The following OXCT1 variants were observed in gnomAD, a reference collection of about 807,000 sequenced individuals.
OXCT1 encodes the protein 3-oxoacid CoA-transferase 1.
Under a neutral mutation model 69.6 loss-of-function variants are expected in OXCT1, and 27 were observed. That is an observed-to-expected ratio of 0.39 (90% confidence interval 0.29 to 0.54). The LOEUF (loss-of-function observed/expected upper bound fraction) is 0.54. Ranked by LOEUF, OXCT1 falls within the 20% of genes least tolerant of loss-of-function variation. The pLI, the probability that OXCT1 is intolerant of heterozygous loss-of-function variation, is 0.72. For missense variants in OXCT1, 437 were observed against 650.2 expected (o/e 0.67, Z 3.57); for synonymous variants, 202 against 217.8 (o/e 0.93, Z 0.64).
At chr5:41,861,915 G>A (rs1349323745) in intron 2 of OXCT1, among the ~76,000 whole-genome samples, 1 of 152,164 alleles carries the variant, frequency 6.6e-6, no homozygotes, top group African/African-American at 2.4e-5. Context: ...TTATTTATCA[G>A]AAGCAGGCAG....
chr5:41,787,713 A>G (rs904911073), intron 13 of OXCT1, among the ~76,000 whole-genome samples: 2 of 150,892 alleles, frequency 1.3e-5, no homozygotes, highest in African/African-American at 2.4e-5. Flanking sequence ...AACAGTGAGG[A>G]AAGATTTTGT....
intron 11 of OXCT1, 32 bp from the exon 12 acceptor site, chr5:41,794,781 G>A (rs1334858159): frequency 2.5e-6 from 4 of 1,602,502 alleles, no homozygotes; most frequent in Admixed American, 1.7e-5. Flanking sequence ...AGAAAGAAAA[G>A]GCTATTAGAT....
chr5:41,835,093 G>C (rs909459797), intron 7 of OXCT1, among the ~76,000 whole-genome samples: 6 of 152,044 alleles, frequency 3.9e-5, no homozygotes, highest in African/African-American at 1.4e-4. Flanking sequence ...AACAACGGTG[G>C]GGGTGGGGGT....
At chr5:41,820,821 T>A (rs988720516) in intron 7 of OXCT1, among the ~76,000 whole-genome samples, 2 of 152,138 alleles carry the variant, frequency 1.3e-5, no homozygotes, top group African/African-American at 4.8e-5. Flanking sequence ...TCCTTCACAA[T>A]TGACCTTACT....
intron 5 of OXCT1, among the ~76,000 whole-genome samples, chr5:41,844,107 A>G (rs542962199): frequency 2.6e-5 from 4 of 152,248 alleles, no homozygotes; most frequent in African/African-American, 9.6e-5. Flanking sequence ...TTCTAGTTAC[A>G]TAATTTTCTG....
chr5:41,793,117 C>T lies in OXCT1; in HGVS notation c.1248+886G>A, dbSNP rs1289543214. On this transcript the variant is annotated intron_variant, in intron 13 of 16. Transcript: ENST00000196371. ...ACATGATCTCTAACATTGTTATCAA[C>T]TACATTAATCCACCTTCCTCAAAAA... Among the ~76,000 whole-genome samples the T allele has an allele frequency of 2.0e-5, 3 of 152,322 alleles. No homozygotes were observed. The East Asian group carries it at 5.8e-4, about 29-fold the overall frequency.
chr5:41,739,653 C>G lies in OXCT1; in HGVS notation c.1420-162G>C, dbSNP rs368049497. 795 of 601,120 alleles carry G rather than the reference C, an allele frequency of 1.3e-3. 12 individuals carry two copies. Among genetic ancestry groups the G allele is most frequent in the South Asian group, 0.012 (767 of 61,644 alleles). 37.2% of individuals were successfully genotyped at this position (601,120 alleles called of 1,614,324 possible). On this transcript the variant is annotated intron_variant, in intron 15 of 16. Coordinates refer to ENST00000196371, the MANE Select transcript of OXCT1 (RefSeq NM_000436.4). ...GGCTTAGGTGGGTGGATCACAAGGT[C>G]AGGAGATCGAGACCATCCTGGCTAA...
intron 5 of OXCT1, among the ~76,000 whole-genome samples, chr5:41,848,981 A>C (rs935671430): frequency 6.6e-6 from 1 of 152,224 alleles, no homozygotes; most frequent in Non-Finnish European, 1.5e-5. Flanking sequence ...AGAAACTACC[A>C]TCAGAGTGAA....
intron 4 of OXCT1, 37 bp from the exon 5 acceptor site, chr5:41,850,216 A>C (rs1179971879): frequency 1.2e-6 from 2 of 1,611,086 alleles, no homozygotes; most frequent in Non-Finnish European, 1.7e-6. Flanking sequence ...AAGTTCACTA[A>C]GCACACTTCT....
intron 16 of OXCT1, among the ~76,000 whole-genome samples, chr5:41,735,448 T>TA (rs1205404844): frequency 1.3e-5 from 2 of 152,244 alleles, no homozygotes; most frequent in African/African-American, 4.8e-5. Context: ...GCTGTGGAAT[T>TA]AGTGTTTAAT....
In OXCT1 at chr5:41,870,122, G is replaced by T; in HGVS notation, c.78+159C>A. ...TCATCCGAGGGGCCGGCGAGGCCAG[G>T]AACGCGTCGCCGCGTGTCCGTGACC... is the stretch of plus-strand genomic sequence containing the variant. On this transcript the variant is annotated intron_variant, in intron 1 of 16. Coordinates refer to ENST00000196371, the MANE Select transcript of OXCT1 (RefSeq NM_000436.4). This position sits in a 1 kb window ranked among gnomAD's most constrained non-coding sequence, Gnocchi z 4.2. 1.4e-6 allele frequency: 1 copy of T among 706,776 alleles called. No homozygotes were observed. The highest frequency in any genetic ancestry group is 2.6e-6 in the Non-Finnish European group (1 of 388,996). The allele number at this position is 706,776 out of a possible 1,614,324, so 43.8% of individuals were successfully genotyped here.
intron 10 of OXCT1, 32 bp from the exon 11 acceptor site, chr5:41,801,102 A>T: frequency 6.6e-7 from 1 of 1,509,800 alleles, no homozygotes; most frequent in Non-Finnish European, 9.2e-7. Context: ...CAATTAGTAA[A>T]TGAAGATTCT....
intron 3 of OXCT1, among the ~76,000 whole-genome samples, chr5:41,859,907 T>TATATATATATATATATAC (rs1304074270): frequency 1.2e-4 from 17 of 138,466 alleles, no homozygotes; most frequent in African/African-American, 4.0e-4. Flanking sequence ...TATATATATA[T>TATATATATATATATATAC]ACACACACAC....
intron 13 of OXCT1, among the ~76,000 whole-genome samples, chr5:41,780,002 G>T (rs1458589704): frequency 6.6e-6 from 1 of 152,140 alleles, no homozygotes; most frequent in Non-Finnish European, 1.5e-5. Flanking sequence ...ATTTACAAAT[G>T]TAGAACTAGT....
chr5:41,795,816 A>C (rs1005298128), intron 11 of OXCT1, among the ~76,000 whole-genome samples: 1 of 152,244 alleles, frequency 6.6e-6, no homozygotes, highest in Non-Finnish European at 1.5e-5. Flanking sequence ...ATATCAAATC[A>C]TCACATTACA....
intron 14 of OXCT1, among the ~76,000 whole-genome samples, chr5:41,753,800 C>G (rs1743930007): frequency 6.6e-6 from 1 of 152,062 alleles, no homozygotes; most frequent in Admixed American, 6.6e-5. Context: ...GGCTGCATTT[C>G]TGATTCAAGG....
At chr5:41,798,085 T>C (rs1746260771) in intron 11 of OXCT1, among the ~76,000 whole-genome samples, 3 of 152,036 alleles carry the variant, frequency 2.0e-5, no homozygotes, top group African/African-American at 7.2e-5. Context: ...TAGAAAGTTA[T>C]CAGTAAGGAG....
intron 15 of OXCT1, among the ~76,000 whole-genome samples, chr5:41,749,164 T>C (rs546815770): frequency 3.3e-4 from 50 of 152,170 alleles, no homozygotes; most frequent in African/African-American, 1.2e-3. Context: ...TTTCTTAAAA[T>C]CCAAAAATTT....
chr5:41,821,682 C>A (rs181423134), intron 7 of OXCT1, among the ~76,000 whole-genome samples: 80 of 152,248 alleles, frequency 5.3e-4, no homozygotes, highest in African/African-American at 1.8e-3. Context: ...GTTTGCAATT[C>A]CCTAATGATA....
Sources: allele counts gnomAD v4.1 joint callset (sites outside exome capture counted in the v4.1 genomes callset), GRCh38; gene constraint gnomAD v4.1.1; non-coding constraint Gnocchi (gnomAD v3.1); transcripts MANE v1.5; gene names NCBI Gene and HGNC (gene_info 2026-07-23, HGNC 2026-07-21).